The following NAPEPLD variants were observed in gnomAD, a reference collection of about 807,000 sequenced individuals.
NAPEPLD encodes N-acyl-phosphatidylethanolamine-hydrolyzing phospholipase D.
NAPEPLD carries 23 observed loss-of-function variants against 38.1 expected under a neutral mutation model. That is an observed-to-expected ratio of 0.60 (90% CI 0.43 to 0.86). The LOEUF is 0.86. Among genes scored for constraint, NAPEPLD ranks in the 40% least tolerant of loss-of-function variants. NAPEPLD has a pLI of 0.00. For missense variants in NAPEPLD, 411 were observed against 476.8 expected, an observed-to-expected ratio of 0.86 and a Z score of 1.28; for synonymous variants, 147 against 162.0, an observed-to-expected ratio of 0.91 and a Z score of 0.71.
At chr7:103,149,896 A>G (rs1259187237), upstream of NAPEPLD, among the ~76,000 whole-genome samples, 2 of 152,234 alleles carry the variant, frequency 1.3e-5, no homozygotes, top group East Asian at 1.9e-4. Context: ...GGATCCTGGT[A>G]GCGAAGAAAC....
intron 4 of NAPEPLD, among the ~76,000 whole-genome samples, chr7:103,105,855 C>G (rs1803205820): frequency 6.7e-6 from 1 of 150,044 alleles, no homozygotes; most frequent in Admixed American, 6.7e-5. Flanking sequence ...ATTGCTTGAA[C>G]CCAGGAGACG....
intron 4 of NAPEPLD, among the ~76,000 whole-genome samples, chr7:103,110,438 C>T (rs1044458458): frequency 6.6e-6 from 1 of 152,110 alleles, no homozygotes; most frequent in African/African-American, 2.4e-5. Context: ...ACATACGCAA[C>T]TCAATAAATG....
Position 103,128,629 on chromosome 7 carries a change from G to A in NAPEPLD, c.148C>T (p.Leu50=), listed in dbSNP as rs114728464. 492 of 1,614,100 alleles carry A rather than the reference G, an allele frequency of 3.0e-4. No homozygotes were observed. In the African/African-American group the frequency reaches 5.8e-3, roughly 19 times the overall value. Residue 50 remains leucine (L), a synonymous_variant, in exon 2 of 5, where the codon CTA becomes TTA. Coordinates refer to ENST00000465647, the MANE Select transcript of NAPEPLD (RefSeq NM_001122838.3). ...TTGGATTTAGTTACATCTTCTTCTA[G>A]TCTATAATCCAGTTTGAAGCTTTTC... is the stretch of plus-strand genomic sequence containing the variant. ...SRKSFKLDYR[L]EEDVTKSKKG...
Position 103,128,439 on chromosome 7 carries a change from A to G in NAPEPLD, c.294+44T>C, listed in dbSNP as rs775137669. The stretch of plus-strand genomic sequence containing the variant: ...AGGGCTCAAATAACTAGAGTGTCAT[A>G]TATGAAGAGCAAATATAAAGCACTC... On this transcript the variant is annotated intron_variant, in intron 2 of 4. Transcript: ENST00000465647. 4.4e-6 allele frequency: 7 copies of G among 1,598,198 alleles called. No individual in the cohort carries two copies. The Admixed American group carries it at 1.2e-4, about 27-fold the overall frequency.
Position 103,120,412 on chromosome 7 carries a change from A to G in NAPEPLD, c.295-189T>C, listed in dbSNP as rs181629063. Reference sequence around the variant, plus strand: ...ACTTCTTTCTGAATCTGACTTAATAATCATGATAATATGGTAATCTTCTTC... The same window carrying G: ...ACTTCTTTCTGAATCTGACTTAATAGTCATGATAATATGGTAATCTTCTTC... On this transcript the variant is annotated intron_variant, in intron 2 of 4. Transcript: ENST00000465647. Among the ~76,000 whole-genome samples, 8 of 152,324 alleles carry G rather than the reference A, an allele frequency of 5.3e-5. 1 individual carries two copies. The East Asian group carries it at 1.5e-3, about 29-fold the overall frequency.
chr7:103,135,573 C>A (rs1341178518), intron 1 of NAPEPLD, among the ~76,000 whole-genome samples: 1 of 152,116 alleles, frequency 6.6e-6, no homozygotes, highest in Admixed American at 6.5e-5. Flanking sequence ...TCTTACCACA[C>A]TTTATTGACT....
upstream of NAPEPLD, chr7:103,149,689 A>C (rs78598305): frequency 3.7e-6 from 1 of 267,802 alleles, no homozygotes; most frequent in African/African-American, 2.4e-5. Flanking sequence ...AACACTCTGC[A>C]GGGACCCTCC....
chr7:103,128,199 T>C, intron 2 of NAPEPLD: 1 of 410,390 alleles, frequency 2.4e-6, no homozygotes, highest in Non-Finnish European at 4.3e-6. Flanking sequence ...CCAGCTGAAA[T>C]ATTCACCTCC....
At chr7:103,143,273 G>A (rs557369610) in intron 1 of NAPEPLD, among the ~76,000 whole-genome samples, 1 of 151,956 alleles carries the variant, frequency 6.6e-6, no homozygotes, top group South Asian at 2.1e-4. Flanking sequence ...AAAGTCTTGG[G>A]GAATAATTGA....
rs1802711433 is a variant in NAPEPLD, at chr7:103,103,570, G to T, written c.1057-16C>A. ...CTAAGTAATGCTGGCCAAAGAGAAAGAAGAAAAATAGAAAAAGATTAAACA... is the reference window on the plus strand; with the variant it reads ...CTAAGTAATGCTGGCCAAAGAGAAATAAGAAAAATAGAAAAAGATTAAACA... On this transcript the variant is annotated splice_polypyrimidine_tract_variant and intron_variant, in intron 4 of 4. Coordinates refer to ENST00000465647, the MANE Select transcript of NAPEPLD (RefSeq NM_001122838.3). 1 of 1,564,528 alleles carries T rather than the reference G, an allele frequency of 6.4e-7. No individual in the cohort carries two copies.
intron 3 of NAPEPLD, among the ~76,000 whole-genome samples, chr7:103,119,210 T>C (rs1806126196): frequency 1.3e-5 from 2 of 152,198 alleles, no homozygotes; most frequent in Admixed American, 6.5e-5. Flanking sequence ...ATCCCTGATT[T>C]TGAGTAATTT....
Position 103,119,746 on chromosome 7 carries a change from TC to T in NAPEPLD, c.771del (p.Thr258LeufsTer2). The T allele has an allele frequency of 6.2e-7, 1 of 1,614,044 alleles. No homozygotes were observed. Among genetic ancestry groups the T allele is most frequent in the South Asian group, 1.1e-5 (1 of 91,082 alleles). On this transcript the variant is annotated frameshift_variant, in exon 3 of 5. Coordinates refer to ENST00000465647, the MANE Select transcript of NAPEPLD (RefSeq NM_001122838.3). LOFTEE classifies it high-confidence loss of function. ...VFTPSQHWCK[R>X]TLMDDNKVLW... ...AGCACCTTGTTGTCATCCATTAGAGTCCTTTTACACCAGTGCTGGGAAGGTG... is the reference window on the plus strand; with the variant it reads ...AGCACCTTGTTGTCATCCATTAGAGTCTTTTACACCAGTGCTGGGAAGGTG...
intron 1 of NAPEPLD, among the ~76,000 whole-genome samples, chr7:103,146,225 A>G (rs987552817): frequency 2.0e-5 from 3 of 152,104 alleles, no homozygotes; most frequent in African/African-American, 7.2e-5. Flanking sequence ...CATGCCTGTA[A>G]TTCCAACTTC....
In NAPEPLD at chr7:103,149,073, T is replaced by G. The variant is rs993249468; in HGVS notation, c.-279A>C. 10 of 984,970 alleles carry G rather than the reference T, an allele frequency of 1.0e-5. No homozygotes were observed. The East Asian group carries it at 6.8e-4, about 67-fold the overall frequency. The allele number at this position is 984,970 out of a possible 1,614,324, so 61.0% of individuals were successfully genotyped here. On this transcript the variant is annotated 5_prime_UTR_variant, in exon 1 of 5. Transcript: ENST00000465647. ...AGCCCGCTCCACTTCGCCGAAGAAT[T>G]CCAAACCACCCCAGGCTCAGCAGTG...
intron 1 of NAPEPLD, among the ~76,000 whole-genome samples, chr7:103,137,824 AAAAAAAAAAAAAGAAAAAG>A: frequency 6.6e-6 from 1 of 151,102 alleles, no homozygotes; most frequent in East Asian, 1.9e-4. Context: ...TCAAAAAAAA[AAAAAAAAAAAAAGAAAAAG>A]AAAAAGAAAG....
At chr7:103,146,512 C>A (rs1252225861) in intron 1 of NAPEPLD, among the ~76,000 whole-genome samples, 1 of 152,138 alleles carries the variant, frequency 6.6e-6, no homozygotes, top group Admixed American at 6.5e-5. Context: ...TGGGAAGGTG[C>A]CCAAATTAGA....
Position 103,100,198 on chromosome 7 carries a change from A to G in NAPEPLD, c.*3231T>C, listed in dbSNP as rs1802200630. On this transcript the variant is annotated 3_prime_UTR_variant, in exon 5 of 5. Coordinates refer to ENST00000465647, the MANE Select transcript of NAPEPLD (RefSeq NM_001122838.3). ...ATTCCCAGTGGGCTAGACATGAACAAAAGTATTCATTCCCCAAAAGGCACA... is the reference window on the plus strand; with the variant it reads ...ATTCCCAGTGGGCTAGACATGAACAGAAGTATTCATTCCCCAAAAGGCACA... 1 of 152,238 alleles carries G rather than the reference A, an allele frequency of 6.6e-6. No homozygotes were observed. 9.4% of individuals were successfully genotyped at this position (152,238 alleles called of 1,614,324 possible).
chr7:103,145,990 C>T (rs965837029), intron 1 of NAPEPLD, among the ~76,000 whole-genome samples: 6 of 151,992 alleles, frequency 3.9e-5, no homozygotes, highest in South Asian at 4.1e-4. Flanking sequence ...CACACACACG[C>T]ACGCACACAC....
chr7:103,119,771 T>C lies in NAPEPLD; in HGVS notation c.747A>G (p.Thr249=), dbSNP rs1806262267. ...TCCTTTTACACCAGTGCTGGGAAGGTGTAAAGACAAAAGTGACCTTATCAT... is the reference window on the plus strand; with the variant it reads ...TCCTTTTACACCAGTGCTGGGAAGGCGTAAAGACAAAAGTGACCTTATCAT... ...PGHDKVTFVF[T]PSQHWCKRTL... is the part of the protein sequence containing the mutation. Residue 249 remains threonine (T), a synonymous_variant, in exon 3 of 5, where the codon ACA becomes ACG. Coordinates refer to ENST00000465647, the MANE Select transcript of NAPEPLD (RefSeq NM_001122838.3). 6.2e-7 allele frequency: 1 copy of C among 1,614,110 alleles called. No homozygotes were observed. Among genetic ancestry groups the C allele is most frequent in the Non-Finnish European group, 8.5e-7 (1 of 1,180,026 alleles).
Sources: allele counts gnomAD v4.1 joint callset (sites outside exome capture counted in the v4.1 genomes callset), GRCh38; gene constraint gnomAD v4.1.1; transcripts MANE v1.5; gene names NCBI Gene and HGNC (gene_info 2026-07-23, HGNC 2026-07-21).